The following DNAJC12 variants were observed in gnomAD, a reference collection of about 807,000 sequenced individuals.
The protein encoded by DNAJC12 is dnaJ homolog subfamily C member 12.
Under a neutral mutation model 28.5 loss-of-function variants are expected in DNAJC12, and 25 were observed. The observed-to-expected ratio is 0.88, with a 90% confidence interval of 0.64 to 1.22. The LOEUF (loss-of-function observed/expected upper bound fraction) is 1.22. Among genes scored for constraint, DNAJC12 ranks in the 50% most tolerant of loss-of-function variants. The pLI is 0.00. For missense variants in DNAJC12, 222 were observed against 231.7 expected, an observed-to-expected ratio of 0.96 and a Z score of 0.27; for synonymous variants, 77 against 80.6, an observed-to-expected ratio of 0.95 and a Z score of 0.24.
At chr10:67,812,527 A>G (rs904278082) in intron 2 of DNAJC12, among the ~76,000 whole-genome samples, 3 of 152,040 alleles carry the variant, frequency 2.0e-5, no homozygotes, top group African/African-American at 7.2e-5. Flanking sequence ...TGAAGTAAAA[A>G]CTTTCTGCAG....
chr10:67,818,193 G>A (rs1328193829), intron 2 of DNAJC12, among the ~76,000 whole-genome samples: 3 of 152,098 alleles, frequency 2.0e-5, no homozygotes, highest in African/African-American at 7.2e-5. Flanking sequence ...GAGACAGAGC[G>A]AGATCCTGTC....
At chr10:67,829,145 G>A (rs1827176950) in intron 1 of DNAJC12, among the ~76,000 whole-genome samples, 1 of 152,050 alleles carries the variant, frequency 6.6e-6, no homozygotes, top group Admixed American at 6.6e-5. Flanking sequence ...AGCAGACTCG[G>A]GCGGGGTATG....
chr10:67,828,924 A>G (rs1349821923), intron 1 of DNAJC12, among the ~76,000 whole-genome samples: 1 of 152,092 alleles, frequency 6.6e-6, no homozygotes, highest in East Asian at 1.9e-4. Context: ...ATGCATTTCA[A>G]GGAAATCACT....
At chr10:67,812,688 C>CA (rs1172092515) in intron 2 of DNAJC12, among the ~76,000 whole-genome samples, 12,748 of 95,638 alleles carry the variant, frequency 0.13, 857 homozygotes, top group East Asian at 0.46. Context: ...GCTAAAAATA[C>CA]AAAAAAAAAA....
chr10:67,813,735 G>A (rs1345648623), intron 2 of DNAJC12, among the ~76,000 whole-genome samples: 1 of 150,500 alleles, frequency 6.6e-6, no homozygotes, highest in Non-Finnish European at 1.5e-5. Context: ...TCCTGCCTGG[G>A]TGACAGAGCA....
chr10:67,824,248 A>G (rs892461926), intron 1 of DNAJC12, among the ~76,000 whole-genome samples: 1 of 151,830 alleles, frequency 6.6e-6, no homozygotes, highest in Non-Finnish European at 1.5e-5. Flanking sequence ...AAAAAAAAAA[A>G]AAAAAATATT....
intron 2 of DNAJC12, 79 bp from the exon 3 acceptor site, chr10:67,811,742 C>T: frequency 1.3e-6 from 2 of 1,532,578 alleles, no homozygotes; most frequent in Non-Finnish European, 1.7e-6. Flanking sequence ...ACTGCTCTTA[C>T]TAAAACCATG....
At chr10:67,816,912 C>G (rs1008512487) in intron 2 of DNAJC12, among the ~76,000 whole-genome samples, 2 of 152,070 alleles carry the variant, frequency 1.3e-5, no homozygotes, top group African/African-American at 4.8e-5. Context: ...GTTACTGTCA[C>G]CCACACAGAG....
intron 1 of DNAJC12, among the ~76,000 whole-genome samples, chr10:67,830,085 G>T (rs937166695): frequency 6.6e-6 from 1 of 152,048 alleles, no homozygotes; most frequent in African/African-American, 2.4e-5. Context: ...ATGCTGAGGC[G>T]GGCAGATCAC....
chr10:67,837,810 CA>C, intron 1 of DNAJC12, 123 bp downstream of exon 1: 5 of 652,314 alleles, frequency 7.7e-6, no homozygotes, highest in Non-Finnish European at 2.5e-6. Context: ...TGCTTTAAAA[CA>C]ACACAAGGTT....
intron 2 of DNAJC12, among the ~76,000 whole-genome samples, chr10:67,814,391 TA>T (rs1841893167): frequency 1.3e-5 from 2 of 151,778 alleles, no homozygotes. Context: ...ATGTAAGGGT[TA>T]AAACCATAAA....
intron 1 of DNAJC12, among the ~76,000 whole-genome samples, chr10:67,826,242 C>T (rs1231977027): frequency 6.6e-6 from 1 of 151,128 alleles, no homozygotes; most frequent in East Asian, 2.0e-4. Flanking sequence ...TCAAGCAATC[C>T]TCCCATGTCA....
intron 3 of DNAJC12, among the ~76,000 whole-genome samples, chr10:67,809,711 A>C (rs759496083): frequency 6.6e-6 from 1 of 152,186 alleles, no homozygotes; most frequent in Non-Finnish European, 1.5e-5. Context: ...CCTGGAGGCC[A>C]TTGTTCTAAG....
At position 67,826,467 on chromosome 10, in the gene DNAJC12, C is replaced by CATAT. The variant is rs71006171; in HGVS notation, c.79-3079_79-3076dup. ...CACTTTTAATGCATATATATATATG[C>CATAT]ATATATATATATATAAGATGCTTAT... On this transcript the variant is annotated intron_variant, in intron 1 of 4. Coordinates refer to ENST00000225171, the MANE Select transcript of DNAJC12 (RefSeq NM_021800.3). 2.1e-5 allele frequency among the ~76,000 whole-genome samples: 3 copies of CATAT among 140,720 alleles called. No individual in the cohort carries two copies. In the South Asian group the frequency reaches 6.5e-4, roughly 31 times the overall value. 92.3% of individuals were successfully genotyped at this position (140,720 alleles called of 152,430 possible).
At chr10:67,810,556 A>G (rs1841849094) in intron 3 of DNAJC12, among the ~76,000 whole-genome samples, 1 of 152,190 alleles carries the variant, frequency 6.6e-6, no homozygotes, top group African/African-American at 2.4e-5. Context: ...GAGGGATTAT[A>G]CTATTTAAAC....
chr10:67,830,561 T>A (rs1589050522), intron 1 of DNAJC12, among the ~76,000 whole-genome samples: 1 of 150,664 alleles, frequency 6.6e-6, no homozygotes, highest in East Asian at 1.9e-4. Flanking sequence ...TGAGCTGAGA[T>A]CCCGCCACTG....
intron 1 of DNAJC12, among the ~76,000 whole-genome samples, chr10:67,835,664 C>T (rs578112454): frequency 2.7e-4 from 40 of 150,078 alleles, no homozygotes; most frequent in African/African-American, 9.8e-4. Flanking sequence ...CACTCCAGCC[C>T]GGCAACAGAG....
At chr10:67,831,144 C>G (rs527602271) in intron 1 of DNAJC12, among the ~76,000 whole-genome samples, 78 of 152,198 alleles carry the variant, frequency 5.1e-4, no homozygotes, top group Non-Finnish European at 1.0e-3. Context: ...GCTGAGATCG[C>G]ACCATTGCAC....
At chr10:67,836,717 T>C (rs1842145704) in intron 1 of DNAJC12, among the ~76,000 whole-genome samples, 1 of 152,098 alleles carries the variant, frequency 6.6e-6, no homozygotes, top group South Asian at 2.1e-4. Flanking sequence ...GTGTCTAAGA[T>C]AACTTCCTCA....
Sources: gnomAD v4.1 joint callset for allele counts (sites outside exome capture counted in the v4.1 genomes callset) on GRCh38, gnomAD v4.1.1 for gene constraint, MANE v1.5 for transcripts, NCBI Gene and HGNC (gene_info 2026-07-23, HGNC 2026-07-21) for gene names.